KDM6B: variants seen among roughly 807,000 people sequenced by gnomAD.
KDM6B encodes lysine-specific demethylase 6B.
In KDM6B, 22 loss-of-function variants were observed where a neutral mutation model predicts 150.4. The observed-to-expected ratio is 0.15, with a 90% confidence interval of 0.10 to 0.21. KDM6B has a LOEUF of 0.21. Among genes scored for constraint, KDM6B ranks in the 10% least tolerant of loss-of-function variants. The pLI is 1.00. For synonymous variants in KDM6B, 1,148 were observed against 921.1 expected, an observed-to-expected ratio of 1.25 and a Z score of -4.46; for missense variants, 1,984 against 2,234.3, an observed-to-expected ratio of 0.89 and a Z score of 2.26.
In KDM6B at chr17:7,853,499, C is replaced by T. The variant is rs1325391653; in HGVS notation, c.4910C>T (p.Ala1637Val). 2 of 1,508,306 alleles carry T rather than the reference C, an allele frequency of 1.3e-6. No homozygotes were observed. The highest frequency in any genetic ancestry group is 2.5e-5 in the East Asian group (1 of 39,506). The allele number at this position is 1,508,306 out of a possible 1,614,324, so 93.4% of individuals were successfully genotyped here. A position where few individuals can be genotyped will look rare whatever the true frequency, so the allele number is the denominator to read the frequency against. ...LAQAYDAFTLAPASTSR is the reference protein window; with the variant it reads ...LAQAYDAFTLVPASTSR The stretch of plus-strand genomic sequence containing the variant: ...CCCCCGCCGGCTTTCTCCCCCCAGG[C>T]CCCAGCCAGCACGTCGCGATGAGGC... The change falls in exon 24 of 24, where the codon GCC becomes GTC. Residue 1637 changes from alanine (A) to valine (V), a missense_variant and splice_region_variant. Transcript: ENST00000448097.
intron 1 of KDM6B, among the ~76,000 whole-genome samples, chr17:7,837,719 T>C (rs2078352923): frequency 6.6e-6 from 1 of 152,160 alleles, no homozygotes; most frequent in Non-Finnish European, 1.5e-5. Context: ...AATGAGATAA[T>C]TTATGCAAAT....
intron 13 of KDM6B, 21 bp from the exon 14 acceptor site, chr17:7,850,051 G>A: frequency 6.2e-7 from 1 of 1,613,608 alleles, no homozygotes; most frequent in Non-Finnish European, 8.5e-7. Flanking sequence ...TCTGACCCCA[G>A]CTCTCCTGGT....
chr17:7,848,693 G>A lies in KDM6B; in HGVS notation c.2405G>A (p.Ser802Asn), dbSNP rs1041710511. The change falls in exon 12 of 24, where the codon AGC becomes AAC. Residue 802 changes from serine to asparagine, a missense_variant. Around this residue, in one of 13 missense-constraint regions of KDM6B, gnomAD observed 1,379 missense variants for 1,275.6 expected, o/e 1.08. Coordinates refer to ENST00000448097, the MANE Select transcript of KDM6B (RefSeq NM_001348716.2). ...PPPPPPPSPA[S>N]LLKSLASVLE... ...CCACCCCCACCCCCCAGCCCGGCCA[G>A]CCTGCTCAAATCCTTGGCCTCCGTG... The A allele has an allele frequency of 2.5e-6, 4 of 1,608,200 alleles. 1 individual carries two copies. Among genetic ancestry groups the A allele is most frequent in the Non-Finnish European group, 8.5e-7 (1 of 1,178,570 alleles).
rs925094499 is a variant in KDM6B, at chr17:7,834,344, G to A, written c.-394G>A. On this transcript the variant is annotated 5_prime_UTR_variant, in exon 1 of 24. Coordinates refer to ENST00000448097, the MANE Select transcript of KDM6B (RefSeq NM_001348716.2). ...GCCTGAACACCTGGGACCCCCCCCA[G>A]AACCAGGTAACGGGGAGCCGCGAGG... 6.6e-6 allele frequency among the ~76,000 whole-genome samples: 1 copy of A among 151,952 alleles called. No homozygotes were observed. Among genetic ancestry groups the A allele is most frequent in the Non-Finnish European group, 1.5e-5 (1 of 67,962 alleles).
At chr17:7,834,432 G>T (rs903996746) in intron 1 of KDM6B, among the ~76,000 whole-genome samples, 82 bp downstream of exon 1, 3 of 152,136 alleles carry the variant, frequency 2.0e-5, no homozygotes, top group Non-Finnish European at 4.4e-5. Context: ...CTCTGGAGGG[G>T]TAGAGCTGGG....
rs377433455 is a variant in KDM6B at position 7,853,454 on chromosome 17, C to T, written c.4909-44C>T. On this transcript the variant is annotated intron_variant, in intron 23 of 23. Transcript: ENST00000448097. ...GCTGCAGGGACGGGCTTCGGGAGCC[C>T]GGCCGCGCCTTTCCCTGAGCCCCCG... is the stretch of plus-strand genomic sequence containing the variant. 3.6e-4 allele frequency: 551 copies of T among 1,512,838 alleles called. 5 individuals carry two copies. The South Asian group carries it at 6.4e-3, about 18-fold the overall frequency. 93.7% of individuals were successfully genotyped at this position (1,512,838 alleles called of 1,614,324 possible). A position where few individuals can be genotyped will look rare whatever the true frequency, so the allele number is the denominator to read the frequency against.
chr17:7,839,605 C>G (rs2078384872), intron 1 of KDM6B, among the ~76,000 whole-genome samples: 1 of 152,128 alleles, frequency 6.6e-6, no homozygotes, highest in South Asian at 2.1e-4. Context: ...GCTGGGGCGA[C>G]TCAGGCCAGG....
rs1266152406 is a variant in KDM6B, at chr17:7,849,292, A to G, written c.3004A>G (p.Arg1002Gly). 6.4e-7 allele frequency: 1 copy of G among 1,556,702 alleles called. No individual in the cohort carries two copies. Residue 1002 changes from arginine (R) to glycine (G), a missense_variant, in exon 12 of 24, where the codon AGG (arginine) becomes GGG (glycine). Physicochemically the swap from Arg to Gly is moderately radical, Grantham distance 125. This residue lies in a region of KDM6B where 1,379 missense variants were observed against 1,275.6 expected (regional missense o/e 1.08). Transcript: ENST00000448097. The stretch of plus-strand genomic sequence containing the variant: ...TGTGGGTCGTCGGCCCCGTGAGGGC[A>G]GGGCAAAGGCCAAGGCCAAGGTCCC... ...DSVGRRPREG[R>G]AKAKAKVPKE...
chr17:7,847,022 C>T lies in KDM6B; in HGVS notation c.909+6C>T, dbSNP rs2078562465. The T allele has an allele frequency of 1.2e-6, 2 of 1,613,086 alleles. No homozygotes were observed. Among genetic ancestry groups the T allele is most frequent in the Non-Finnish European group, 1.7e-6 (2 of 1,179,392 alleles). ...CAGCACCCCCAGAGCGCCAGGTGAG[C>T]CCCTGCCTGTTGCCTTTCACCTCTC... On this transcript the variant is annotated splice_donor_region_variant and intron_variant, in intron 10 of 23. Transcript: ENST00000448097.
At position 7,847,684 on chromosome 17, in the gene KDM6B, T is replaced by C. The variant is rs2078586427; in HGVS notation, c.1396T>C (p.Ser466Pro). ...TPHLSLPPGP[S>P]SPPPPPCPRL... ...CCACCTATCCCTGCCACCTGGACCTTCCTCACCCCCTCCACCCCCCTGTCC... is the reference window on the plus strand; with the variant it reads ...CCACCTATCCCTGCCACCTGGACCTCCCTCACCCCCTCCACCCCCCTGTCC... Residue 466 changes from serine to proline, a missense_variant, in exon 12 of 24, where the codon TCC (serine) becomes CCC (proline). Physicochemically the swap from Ser to Pro is moderately conservative, Grantham distance 74. Transcript: ENST00000448097. 1 of 1,583,516 alleles carries C rather than the reference T, an allele frequency of 6.3e-7. No homozygotes were observed. Among genetic ancestry groups the C allele is most frequent in the Non-Finnish European group, 8.6e-7 (1 of 1,164,760 alleles).
At position 7,848,074 on chromosome 17, in the gene KDM6B, G is replaced by A; in HGVS notation, c.1786G>A (p.Asp596Asn). 6.2e-7 allele frequency: 1 copy of A among 1,611,940 alleles called. No individual in the cohort carries two copies. The highest frequency in any genetic ancestry group is 8.5e-7 in the Non-Finnish European group (1 of 1,179,334). ...RPPSPAQNPQDPPLVPLTLAL... is the reference protein window; with the variant it reads ...RPPSPAQNPQNPPLVPLTLAL... The stretch of plus-strand genomic sequence containing the variant: ...TCCCAGCCCAGCACAGAACCCCCAG[G>A]ACCCACCTCTTGTACCCCTGACTCT... Residue 596 changes from aspartate to asparagine, a missense_variant, in exon 12 of 24, where the codon GAC becomes AAC. By Grantham distance (23) the Asp-to-Asn change is conservative. Around this residue, in one of 13 missense-constraint regions of KDM6B, gnomAD observed 1,379 missense variants for 1,275.6 expected, o/e 1.08. Transcript: ENST00000448097.
Position 7,847,162 on chromosome 17 carries a change from C to T in KDM6B, c.967C>T (p.His323Tyr). 4 of 1,606,948 alleles carry T rather than the reference C, an allele frequency of 2.5e-6. No individual in the cohort carries two copies. The highest frequency in any genetic ancestry group is 1.6e-4 in the Middle Eastern group (1 of 6,062). Reference protein sequence around the residue: ...YPYPAPAYTAHPPGHRLVPAA... With the variant: ...YPYPAPAYTAYPPGHRLVPAA... ...ATACCCAGCTCCAGCGTACACCGCG[C>T]ACCCCCCTGGCCACCGGCTGGTCCC... is the stretch of plus-strand genomic sequence containing the variant. Residue 323 changes from histidine to tyrosine, a missense_variant, in exon 11 of 24, where the codon CAC becomes TAC. By Grantham distance (83) the His-to-Tyr change is moderately conservative (BLOSUM62 2). Coordinates refer to ENST00000448097, the MANE Select transcript of KDM6B (RefSeq NM_001348716.2).
Position 7,848,773 on chromosome 17 carries a change from C to A in KDM6B, c.2485C>A (p.Pro829Thr), listed in dbSNP as rs753840103. The change falls in exon 12 of 24, where the codon CCT becomes ACT. Residue 829 changes from proline (P) to threonine (T), a missense_variant. By Grantham distance (38) the Pro-to-Thr change is conservative. This residue lies in a region of KDM6B where 1,379 missense variants were observed against 1,275.6 expected (regional missense o/e 1.08). Transcript: ENST00000448097. Reference sequence around the variant, plus strand: ...GACTGGAGCAGCTGTTTCCACCCGGCCTGGGCCCTTGCCCACCACTCAGTA... The same window carrying A: ...GACTGGAGCAGCTGTTTCCACCCGGACTGGGCCCTTGCCCACCACTCAGTA... The part of the protein sequence containing the change: ...RGTGAAVSTR[P>T]GPLPTTQYSP... 45 of 1,612,866 alleles carry A rather than the reference C, an allele frequency of 2.8e-5. No individual in the cohort carries two copies. The highest frequency in any genetic ancestry group is 3.3e-5 in the Non-Finnish European group (39 of 1,180,008).
Position 7,853,928 on chromosome 17 carries a change from G to C in KDM6B, c.*407G>C, listed in dbSNP as rs1055125141. 24 of 162,140 alleles carry C rather than the reference G, an allele frequency of 1.5e-4. No homozygotes were observed. The highest frequency in any genetic ancestry group is 2.8e-4 in the Non-Finnish European group (21 of 74,820). The allele number at this position is 162,140 out of a possible 1,614,324, so 10.0% of individuals were successfully genotyped here. A position where few individuals can be genotyped will look rare whatever the true frequency, so the allele number is the denominator to read the frequency against. ...TGTACATAGACGTTACGGCAGCCGA[G>C]GTTTTTAATGAGATTCTTTCTATGG... On this transcript the variant is annotated 3_prime_UTR_variant, in exon 24 of 24. Transcript: ENST00000448097.
Position 7,845,007 on chromosome 17 carries a change from CCCACGGAGGCCG to C in KDM6B, c.-161_-150del. On this transcript the variant is annotated splice_region_variant and 5_prime_UTR_variant, in exon 3 of 24. Transcript: ENST00000448097. ...CTTGCCGACGCGGTGTGAGGACGCT[CCCACGGAGGCCG>C]GGTAAGCGGCCGCTGCGTTTTGGGT... 7.4e-5 allele frequency: 14 copies of C among 190,076 alleles called. No homozygotes were observed. Among genetic ancestry groups the C allele is most frequent in the South Asian group, 5.3e-4 (6 of 11,334 alleles). The allele number at this position is 190,076 out of a possible 1,614,324, so 11.8% of individuals were successfully genotyped here.
Position 7,845,703 on chromosome 17 carries a change from G to C in KDM6B, c.137+12G>C, listed in dbSNP as rs1373834824. 3 of 1,614,120 alleles carry C rather than the reference G, an allele frequency of 1.9e-6. No individual in the cohort carries two copies. Among genetic ancestry groups the C allele is most frequent in the African/African-American group, 1.3e-5 (1 of 75,044 alleles). Reference sequence around the variant, plus strand: ...CTGCCTGGAGGCAGGTGAGAAGTTGGGGCCCTCTGTCTCCAGGCACACCTC... The same window carrying C: ...CTGCCTGGAGGCAGGTGAGAAGTTGCGGCCCTCTGTCTCCAGGCACACCTC... On this transcript the variant is annotated intron_variant, in intron 5 of 23. Transcript: ENST00000448097.
At chr17:7,842,287 C>A (rs981934120) in intron 2 of KDM6B, among the ~76,000 whole-genome samples, 25 of 152,100 alleles carry the variant, frequency 1.6e-4, no homozygotes, top group African/African-American at 6.0e-4. Context: ...CGGAGCTGGG[C>A]TTCGCCGGGA....
chr17:7,846,370 T>TGGGGCCG, intron 7 of KDM6B, 30 bp from the exon 8 acceptor site: 2 of 1,501,942 alleles, frequency 1.3e-6, no homozygotes, highest in Non-Finnish European at 1.8e-6. Context: ...ACCTGACATC[T>TGGGGCCG]GCCCCTGCCC....
In KDM6B at chr17:7,847,024, C is replaced by T. The variant is rs749757884; in HGVS notation, c.909+8C>T. On this transcript the variant is annotated splice_region_variant and intron_variant, in intron 10 of 23. Coordinates refer to ENST00000448097, the MANE Select transcript of KDM6B (RefSeq NM_001348716.2). The stretch of plus-strand genomic sequence containing the variant: ...GCACCCCCAGAGCGCCAGGTGAGCC[C>T]CTGCCTGTTGCCTTTCACCTCTCAC... The T allele has an allele frequency of 6.2e-7, 1 of 1,613,338 alleles. No individual in the cohort carries two copies. The highest frequency in any genetic ancestry group is 1.1e-5 in the South Asian group (1 of 91,078).
Sources: gnomAD v4.1 joint callset for allele counts (sites outside exome capture counted in the v4.1 genomes callset) on GRCh38, gnomAD v4.1.1 for gene constraint, gnomAD v4.1.1 regional missense constraint, MANE v1.5 for transcripts, NCBI Gene and HGNC (gene_info 2026-07-23, HGNC 2026-07-21) for gene names.